MAK: variants seen among roughly 807,000 people sequenced by gnomAD.
MAK encodes the protein serine/threonine-protein kinase MAK.
In MAK, 65 loss-of-function variants were observed where a neutral mutation model predicts 82.6. That is an observed-to-expected ratio of 0.79 (90% CI 0.64 to 0.97). The LOEUF (loss-of-function observed/expected upper bound fraction) is 0.97. MAK is among the 50% of genes least tolerant of loss of function. The probability of loss-of-function intolerance (pLI) is 0.00; values close to 1 mark genes in which losing one functional copy is unlikely to be tolerated. For synonymous variants in MAK, 250 were observed against 274.2 expected (o/e 0.91, Z 0.87); for missense variants, 703 against 780.2 (o/e 0.90, Z 1.18).
At chr6:10,789,951 C>A (rs941456099) in intron 10 of MAK, among the ~76,000 whole-genome samples, 2 of 152,162 alleles carry the variant, frequency 1.3e-5, no homozygotes, top group Non-Finnish European at 2.9e-5. Context: ...GCCTCCGCAC[C>A]CAGCCCAAAA....
At chr6:10,766,846 C>T (rs566126502) in intron 14 of MAK, among the ~76,000 whole-genome samples, 5 of 149,464 alleles carry the variant, frequency 3.3e-5, no homozygotes, top group Non-Finnish European at 7.4e-5. Context: ...CATGATATCA[C>T]CTAAGTCCTA....
In MAK at chr6:10,803,809, C is replaced by T; in HGVS notation, c.574G>A (p.Glu192Lys). ...DVWAVGSIMA[E>K]LYMLRPLFPG... is the part of the protein sequence containing the mutation. Reference sequence around the variant, plus strand: ...AAAAGTGGCCTTAACATATAGAGTTCAGCCATGATACTTCCAACAGCCCAC... The same window carrying T: ...AAAAGTGGCCTTAACATATAGAGTTTAGCCATGATACTTCCAACAGCCCAC... The change falls in exon 7 of 15, where the codon GAA becomes AAA. Residue 192 changes from glutamate to lysine, a missense_variant. By Grantham distance (56) the Glu-to-Lys change is moderately conservative. Coordinates refer to ENST00000354489, the MANE Select transcript of MAK (RefSeq NM_001242957.3). 6.2e-7 allele frequency: 1 copy of T among 1,613,902 alleles called. No homozygotes were observed. Among genetic ancestry groups the T allele is most frequent in the Non-Finnish European group, 8.5e-7 (1 of 1,179,874 alleles).
intron 5 of MAK, among the ~76,000 whole-genome samples, chr6:10,811,842 A>G (rs1776957348): frequency 6.6e-6 from 1 of 152,188 alleles, no homozygotes; most frequent in African/African-American, 2.4e-5. Flanking sequence ...GGAATCCTGC[A>G]TAGCATTTTT....
rs952087371 is a variant in MAK, at chr6:10,830,757, C to G, written c.-109G>C. ...TGCTTTTGTCCTCACACTGTTGTTG[C>G]TACACTGGTGACAGGTTTGTCATCA... On this transcript the variant is annotated 5_prime_UTR_variant, in exon 2 of 15. The change abolishes the stop of an existing upstream ORF in the 5' untranslated region. Transcript: ENST00000354489. 2.4e-6 allele frequency: 2 copies of G among 830,710 alleles called. No homozygotes were observed. Among genetic ancestry groups the G allele is most frequent in the Non-Finnish European group, 4.1e-6 (2 of 485,642 alleles). 51.5% of individuals were successfully genotyped at this position (830,710 alleles called of 1,614,324 possible).
At chr6:10,822,146 CAA>C (rs751345869) in intron 2 of MAK, among the ~76,000 whole-genome samples, 38 of 36,572 alleles carry the variant, frequency 1.0e-3, no homozygotes, top group African/African-American at 3.5e-3. Context: ...GACTCCGTCT[CAA>C]AAAAAAAAAA....
intron 6 of MAK, among the ~76,000 whole-genome samples, chr6:10,805,007 T>C (rs1204842930): frequency 1.3e-5 from 2 of 148,930 alleles, no homozygotes; most frequent in South Asian, 2.1e-4. Flanking sequence ...ATCCTAGATA[T>C]GTGCATGTCA....
chr6:10,807,092 T>A (rs560365752), intron 6 of MAK, among the ~76,000 whole-genome samples: 4 of 152,070 alleles, frequency 2.6e-5, no homozygotes, highest in African/African-American at 4.8e-5. Context: ...TGCCCTTGTT[T>A]CCTACGACTG....
In MAK at chr6:10,829,171, T is replaced by A. The variant is rs1581774305; in HGVS notation, c.101+1377A>T. ...CTAAATTCCTGACCCACAGAAACTA[T>A]GTGAATTAATAAATGTTTCTTCTTA... On this transcript the variant is annotated intron_variant, in intron 2 of 14. Coordinates refer to ENST00000354489, the MANE Select transcript of MAK (RefSeq NM_001242957.3). 2.0e-5 allele frequency: 3 copies of A among 152,370 alleles called. No homozygotes were observed. In the East Asian group the frequency reaches 5.8e-4, roughly 29 times the overall value. 9.4% of individuals were successfully genotyped at this position (152,370 alleles called of 1,614,324 possible).
Sources: allele counts gnomAD v4.1 joint callset (sites outside exome capture counted in the v4.1 genomes callset), GRCh38; gene constraint gnomAD v4.1.1; transcripts MANE v1.5; gene names NCBI Gene and HGNC (gene_info 2026-07-23, HGNC 2026-07-21).